Variants in DLG2 observed in about 807,000 individuals in gnomAD.
The protein encoded by DLG2 is disks large homolog 2.
In DLG2, 45 loss-of-function variants were observed where a neutral mutation model predicts 132.5. The observed-to-expected ratio is 0.34, with a 90% CI of 0.27 to 0.44. The LOEUF (loss-of-function observed/expected upper bound fraction) is 0.44, where lower values mean the gene tolerates loss of function less well. Ranked by LOEUF, DLG2 falls within the 20% of genes least tolerant of loss-of-function variation. The pLI is 1.00. For missense variants in DLG2, 1,045 were observed against 1,196.9 expected (o/e 0.87, Z 1.87); for synonymous variants, 424 against 419.6 (o/e 1.01, Z -0.13).
At chr11:84,295,676 A>G (rs576644966) in intron 7 of DLG2, among the ~76,000 whole-genome samples, 1 of 152,312 alleles carries the variant, frequency 6.6e-6, no homozygotes, top group South Asian at 2.1e-4. Flanking sequence ...AGTAGTACAG[A>G]TACTAGAGTC....
chr11:84,602,623 C>CA (rs967533071), intron 6 of DLG2, among the ~76,000 whole-genome samples: 2 of 151,852 alleles, frequency 1.3e-5, no homozygotes, highest in African/African-American at 4.8e-5. Flanking sequence ...CTATTATCAC[C>CA]AAAAAGCAAG....
intron 6 of DLG2, among the ~76,000 whole-genome samples, chr11:84,885,559 T>G (rs1324942040): frequency 2.0e-5 from 3 of 152,092 alleles, no homozygotes; most frequent in African/African-American, 7.2e-5. Context: ...TAAGTGACTT[T>G]AATTCTTGGT....
intron 6 of DLG2, among the ~76,000 whole-genome samples, chr11:84,714,605 T>TCTC (rs2060921839): frequency 1.3e-4 from 13 of 99,460 alleles, no homozygotes; most frequent in African/African-American, 5.8e-4. Flanking sequence ...TTCTTTCTCT[T>TCTC]TCTCTTTCTC....
At chr11:85,602,256 C>T (rs779505575) in intron 2 of DLG2, among the ~76,000 whole-genome samples, 10 of 152,190 alleles carry the variant, frequency 6.6e-5, no homozygotes, top group Non-Finnish European at 1.3e-4. Flanking sequence ...AAATTATATG[C>T]AGAATCCCAT....
rs1178189097 is a variant in DLG2 at position 85,117,728 on chromosome 11, C to A, written c.283-5993G>T. Among the ~76,000 whole-genome samples the A allele has an allele frequency of 4.0e-5, 6 of 151,422 alleles. No individual in the cohort carries two copies. In the South Asian group the frequency reaches 1.0e-3, roughly 26 times the overall value. ...CAAAGCAGATGTCCTGTCTGAAGAC[C>A]CCACAGTGGAAAAAAGAGAATCTTT... On this transcript the variant is annotated intron_variant, in intron 5 of 27. Coordinates refer to ENST00000376104, the MANE Select transcript of DLG2 (RefSeq NM_001142699.3).
chr11:84,917,017 AT>A (rs2092510868), intron 6 of DLG2, among the ~76,000 whole-genome samples: 1 of 152,166 alleles, frequency 6.6e-6, no homozygotes, highest in Admixed American at 6.5e-5. Context: ...CACACTTCCA[AT>A]ATCCTTCCAT....
At chr11:84,034,055 C>G (rs1322354891) in intron 11 of DLG2, among the ~76,000 whole-genome samples, 1 of 151,550 alleles carries the variant, frequency 6.6e-6, no homozygotes, top group South Asian at 2.1e-4. Flanking sequence ...CACTCCAGCC[C>G]GGGCAACAAG....
At chr11:84,598,979 A>T (rs12292059) in intron 6 of DLG2, among the ~76,000 whole-genome samples, 49,620 of 151,694 alleles carry the variant, frequency 0.33, 8,541 homozygotes, top group African/African-American at 0.42. Flanking sequence ...GCACAGTGTC[A>T]CATGCCTGTA....
intron 2 of DLG2, among the ~76,000 whole-genome samples, chr11:85,619,783 G>A (rs2081577424): frequency 6.6e-6 from 1 of 151,934 alleles, no homozygotes; most frequent in Admixed American, 6.6e-5. Context: ...GCAGTGAACC[G>A]AGATTGCGCA....
intron 7 of DLG2, among the ~76,000 whole-genome samples, chr11:84,263,708 A>T (rs1174305067): frequency 6.6e-6 from 1 of 152,180 alleles, no homozygotes; most frequent in Admixed American, 6.6e-5. Flanking sequence ...TTGACACTAG[A>T]TCATACACTA....
At chr11:84,255,995 G>A (rs1159244623) in intron 7 of DLG2, among the ~76,000 whole-genome samples, 1 of 151,914 alleles carries the variant, frequency 6.6e-6, no homozygotes, top group Non-Finnish European at 1.5e-5. Context: ...CAAGCAGAAG[G>A]AATACTGATA....
chr11:83,851,321 C>A (rs1317645938), intron 16 of DLG2, among the ~76,000 whole-genome samples: 5 of 152,066 alleles, frequency 3.3e-5, no homozygotes, highest in Non-Finnish European at 7.4e-5. Context: ...TCTGACGGGT[C>A]TCCTTATAAG....
intron 4 of DLG2, among the ~76,000 whole-genome samples, chr11:85,235,852 C>G (rs2075559267): frequency 6.6e-6 from 1 of 151,572 alleles, no homozygotes; most frequent in African/African-American, 2.4e-5. Context: ...CAGTGAGAAG[C>G]CAGTAAAAGT....
intron 19 of DLG2, among the ~76,000 whole-genome samples, chr11:83,609,583 C>A (rs1428615809): frequency 6.6e-6 from 1 of 152,162 alleles, no homozygotes; most frequent in Non-Finnish European, 1.5e-5. Context: ...ATGTATTTCC[C>A]ATTATTGACA....
intron 6 of DLG2, among the ~76,000 whole-genome samples, chr11:84,807,343 G>T (rs1205221958): frequency 6.6e-6 from 1 of 152,144 alleles, no homozygotes; most frequent in African/African-American, 2.4e-5. Context: ...CTACTCAGGA[G>T]ACTGAGGCAG....
intron 18 of DLG2, among the ~76,000 whole-genome samples, chr11:83,667,814 C>T (rs866519691): frequency 6.6e-6 from 1 of 151,418 alleles, no homozygotes; most frequent in African/African-American, 2.4e-5. Context: ...CCCGTCTGTA[C>T]TAAAAATACA....
intron 3 of DLG2, among the ~76,000 whole-genome samples, chr11:85,301,380 C>T (rs189891419): frequency 7.2e-5 from 11 of 151,950 alleles, no homozygotes; most frequent in African/African-American, 2.4e-4. Context: ...AGACTATATA[C>T]GTTCTATAAA....
At chr11:85,454,772 A>G (rs1410085316) in intron 3 of DLG2, among the ~76,000 whole-genome samples, 4 of 152,090 alleles carry the variant, frequency 2.6e-5, no homozygotes, top group Non-Finnish European at 4.4e-5. Flanking sequence ...TCCCACCACT[A>G]TTTATTGAAT....
chr11:84,089,742 T>A (rs1233256740), intron 10 of DLG2, among the ~76,000 whole-genome samples: 3 of 152,222 alleles, frequency 2.0e-5, no homozygotes, highest in African/African-American at 4.8e-5. Flanking sequence ...TCTTTTTTTT[T>A]ATATCTTGTC....
Sources: allele counts gnomAD v4.1 joint callset (sites outside exome capture counted in the v4.1 genomes callset), GRCh38; gene constraint gnomAD v4.1.1; transcripts MANE v1.5; gene names NCBI Gene and HGNC (gene_info 2026-07-23, HGNC 2026-07-21).